The following GLDC variants were observed in gnomAD, a reference collection of about 807,000 sequenced individuals.
GLDC encodes glycine decarboxylase.
In GLDC, 104 loss-of-function variants were observed where a neutral mutation model predicts 121.3. That is an observed-to-expected ratio of 0.86 (90% CI 0.73 to 1.01). GLDC has a LOEUF of 1.01. Among genes scored for constraint, GLDC ranks in the 50% least tolerant of loss-of-function variants. The pLI is 0.00. For synonymous variants in GLDC, 546 were observed against 480.6 expected, an observed-to-expected ratio of 1.14 and a Z score of -1.78; for missense variants, 1,429 against 1,306.6, an observed-to-expected ratio of 1.09 and a Z score of -1.44.
In GLDC at chr9:6,588,411, G is replaced by T. The variant is rs775299911; in HGVS notation, c.1697C>A (p.Ser566Tyr). 7 of 1,611,716 alleles carry T rather than the reference G, an allele frequency of 4.3e-6. No individual in the cohort carries two copies. The highest frequency in any genetic ancestry group is 1.7e-4 in the Middle Eastern group (1 of 6,058). The stretch of plus-strand genomic sequence containing the variant: ...AAGTGAGCTACTTACTGCGAGTTCA[G>T]ACGAACTGTTCAGTTTCATGGTGCA... ...GSCTMKLNSS[S>Y]ELAPITWKEF... The change falls in exon 14 of 25, where the codon TCT (serine) becomes TAT (tyrosine). Residue 566 changes from serine (S) to tyrosine (Y), a missense_variant. Coordinates refer to ENST00000321612, the MANE Select transcript of GLDC (RefSeq NM_000170.3).
intron 9 of GLDC, among the ~76,000 whole-genome samples, chr9:6,594,744 CAAGCAAGCAAGA>C (rs1818455490): frequency 7.2e-6 from 1 of 138,940 alleles, no homozygotes; most frequent in Non-Finnish European, 1.6e-5. Context: ...AGCAAGAAAG[CAAGCAAGCAAGA>C]AAGCAAGCAA....
chr9:6,637,039 G>C (rs1396911877), intron 2 of GLDC, among the ~76,000 whole-genome samples: 3 of 151,582 alleles, frequency 2.0e-5, no homozygotes, highest in Admixed American at 6.6e-5. Flanking sequence ...AGCCGAGATC[G>C]TGCCATTGCT....
chr9:6,618,832 C>G (rs1198478158), intron 3 of GLDC, among the ~76,000 whole-genome samples: 1 of 152,064 alleles, frequency 6.6e-6, no homozygotes, highest in African/African-American at 2.4e-5. Context: ...GATGAACACA[C>G]ACACACACCC....
chr9:6,614,076 C>G (rs1340276767), intron 3 of GLDC, among the ~76,000 whole-genome samples: 4 of 152,080 alleles, frequency 2.6e-5, no homozygotes, highest in African/African-American at 7.2e-5. Context: ...GTGTAATTAT[C>G]ACGCCCACCC....
chr9:6,617,206 G>T (rs903901640), intron 3 of GLDC, among the ~76,000 whole-genome samples: 1 of 152,000 alleles, frequency 6.6e-6, no homozygotes, highest in Non-Finnish European at 1.5e-5. Flanking sequence ...GCGCTGGTGG[G>T]GTGTAATATC....
intron 10 of GLDC, among the ~76,000 whole-genome samples, chr9:6,592,619 T>C (rs1818396910): frequency 6.6e-6 from 1 of 152,208 alleles, no homozygotes; most frequent in African/African-American, 2.4e-5. Flanking sequence ...ACAAAATATG[T>C]GCATTTCAGT....
intron 21 of GLDC, among the ~76,000 whole-genome samples, chr9:6,548,985 C>T (rs1156372497): frequency 1.3e-5 from 2 of 152,184 alleles, no homozygotes; most frequent in African/African-American, 2.4e-5. Flanking sequence ...CTCTCCTTCC[C>T]GACCTCCATC....
At chr9:6,604,432 T>A (rs1349037300) in intron 7 of GLDC, among the ~76,000 whole-genome samples, 156 bp downstream of exon 7, 1 of 152,204 alleles carries the variant, frequency 6.6e-6, no homozygotes, top group Non-Finnish European at 1.5e-5. Context: ...CTAGCTCATA[T>A]CCCAAACAGA....
chr9:6,644,029 C>CAAAAAAAAAAAAAAAAAAAAACTAAAAAA (rs1819683766), intron 2 of GLDC, among the ~76,000 whole-genome samples: 1 of 18,334 alleles, frequency 5.5e-5, no homozygotes, highest in Non-Finnish European at 9.8e-5. Flanking sequence ...GATTCTGTCT[C>CAAAAAAAAAAAAAAAAAAAAACTAAAAAA]AAAAAAAAAA....
rs182210744 is a variant in GLDC, at chr9:6,599,704, G to C, written c.1155+2405C>G. Among the ~76,000 whole-genome samples, 88 of 137,706 alleles carry C rather than the reference G, an allele frequency of 6.4e-4. 1 individual carries two copies. The highest frequency in any genetic ancestry group is 6.3e-3 in the Admixed American group (82 of 13,100). 90.3% of individuals were successfully genotyped at this position (137,706 alleles called of 152,430 possible). ...CCGCTGCATGCCAGCCTGGGTGACA[G>C]AGCAAGACTCCATCTCAAAAAAAAA... On this transcript the variant is annotated intron_variant, in intron 8 of 24. Coordinates refer to ENST00000321612, the MANE Select transcript of GLDC (RefSeq NM_000170.3).
chr9:6,623,686 A>G (rs1333734010), intron 2 of GLDC, among the ~76,000 whole-genome samples: 1 of 152,224 alleles, frequency 6.6e-6, no homozygotes, highest in Non-Finnish European at 1.5e-5. Flanking sequence ...TCTTGAAGTT[A>G]TTAGTTTCAT....
chr9:6,562,468 A>T (rs1563838521), intron 16 of GLDC, among the ~76,000 whole-genome samples: 1 of 152,232 alleles, frequency 6.6e-6, no homozygotes, highest in African/African-American at 2.4e-5. Context: ...GTGTGGGAGC[A>T]GCTGCCTCAG....
Position 6,540,106 on chromosome 9 carries a change from G to A in GLDC, c.2610C>T (p.Phe870=). The A allele has an allele frequency of 1.2e-6, 2 of 1,613,394 alleles. No individual in the cohort carries two copies. Among genetic ancestry groups the A allele is most frequent in the Non-Finnish European group, 1.7e-6 (2 of 1,179,340 alleles). ...GHEFILDTRP[F]KKSANIEAVD... is the part of the protein sequence containing the mutation. Reference sequence around the variant, plus strand: ...CAGCCTCAATATTTGCAGACTTTTTGAAGGGTCTCGTGTCCAAAATAAATT... The same window carrying A: ...CAGCCTCAATATTTGCAGACTTTTTAAAGGGTCTCGTGTCCAAAATAAATT... The change falls in exon 22 of 25, where the codon TTC becomes TTT. Residue 870 remains phenylalanine (F), a synonymous_variant. Coordinates refer to ENST00000321612, the MANE Select transcript of GLDC (RefSeq NM_000170.3).
rs1378733033 is a variant in GLDC, at chr9:6,592,853, T to G, written c.1399A>C (p.Thr467Pro). ...AAAATACTGAAAATTTGACTTACTG[T>G]GCCATCCTCAAAAAGCCGAAAATTG... The part of the protein sequence containing the change: ...QINFRLFEDG[T>P]LGISLDETVN... The change falls in exon 10 of 25, where the codon ACA becomes CCA. Residue 467 changes from threonine (T) to proline (P), a missense_variant and splice_region_variant. Physicochemically the swap from Thr to Pro is conservative, Grantham distance 38 (BLOSUM62 -1). Coordinates refer to ENST00000321612, the MANE Select transcript of GLDC (RefSeq NM_000170.3). The G allele has an allele frequency of 2.5e-6, 4 of 1,612,862 alleles. No individual in the cohort carries two copies. Among genetic ancestry groups the G allele is most frequent in the Non-Finnish European group, 3.4e-6 (4 of 1,179,792 alleles).
rs776573369 is a variant in GLDC, at chr9:6,536,245, G to C, written c.2666-9C>G. On this transcript the variant is annotated splice_polypyrimidine_tract_variant and intron_variant, in intron 22 of 24. Transcript: ENST00000321612. ...GGTAGGGGCGTGAAATCCTGCAAAG[G>C]GAGACAGGAGAACTTGCCTCACTGA... 6.2e-7 allele frequency: 1 copy of C among 1,612,014 alleles called. No homozygotes were observed.
At chr9:6,615,080 G>A (rs746509556) in intron 3 of GLDC, among the ~76,000 whole-genome samples, 46 of 152,108 alleles carry the variant, frequency 3.0e-4, no homozygotes, top group Non-Finnish European at 6.2e-4. Context: ...ACTAAACGTC[G>A]CTCTAGCCAA....
intron 16 of GLDC, among the ~76,000 whole-genome samples, chr9:6,563,036 G>C (rs539840670): frequency 1.3e-5 from 2 of 152,310 alleles, no homozygotes; most frequent in East Asian, 3.9e-4. Context: ...TGACACTTCA[G>C]TGATGGCAGG....
intron 21 of GLDC, among the ~76,000 whole-genome samples, chr9:6,545,796 A>G (rs1268187643): frequency 3.9e-5 from 6 of 151,952 alleles, no homozygotes; most frequent in African/African-American, 1.2e-4. Flanking sequence ...GTCCACCACC[A>G]TGCCTGGCTA....
intron 14 of GLDC, among the ~76,000 whole-genome samples, chr9:6,587,750 G>C (rs1219423564): frequency 6.6e-6 from 1 of 152,124 alleles, no homozygotes; most frequent in African/African-American, 2.4e-5. Context: ...GACTGCTTGA[G>C]GCCAGGAGTC....
Sources: allele counts gnomAD v4.1 joint callset (sites outside exome capture counted in the v4.1 genomes callset), GRCh38; gene constraint gnomAD v4.1.1; transcripts MANE v1.5; gene names NCBI Gene and HGNC (gene_info 2026-07-23, HGNC 2026-07-21).